FCHO1: variants seen among roughly 807,000 people sequenced by gnomAD.
The protein encoded by FCHO1 is FCH and mu domain containing endocytic adaptor 1, also known as F-BAR domain only protein 1.
A neutral mutation model predicts 114.4 loss-of-function variants in FCHO1; 45 were observed. The observed-to-expected ratio is 0.39, with a 90% CI of 0.31 to 0.50. The LOEUF is 0.50. Ranked by LOEUF, FCHO1 falls within the 20% of genes least tolerant of loss-of-function variation. The probability of loss-of-function intolerance (pLI) is 0.77; values close to 1 mark genes in which losing one functional copy is unlikely to be tolerated. For missense variants in FCHO1, 1,042 were observed against 1,209.6 expected (o/e 0.86, Z 2.06); for synonymous variants, 480 against 488.9 (o/e 0.98, Z 0.24).
chr19:17,781,632 G>C, intron 22 of FCHO1, 80 bp from the exon 23 acceptor site: 12 of 1,549,204 alleles, frequency 7.7e-6, no homozygotes, highest in Non-Finnish European at 1.1e-5. Context: ...AGGTGTGGTT[G>C]GGCGGAGGGA....
Position 17,788,460 on chromosome 19 carries a change from A to C in FCHO1, c.*154A>C, listed in dbSNP as rs1017750278. The C allele has an allele frequency of 1.7e-6, 1 of 604,500 alleles. No homozygotes were observed. 37.4% of individuals were successfully genotyped at this position (604,500 alleles called of 1,614,324 possible). ...CCCATGCCCAGCCTGGCTGAGCCCG[A>C]GATTCGCTCCTCCCCCTCATGCCAA... is the stretch of plus-strand genomic sequence containing the variant. On this transcript the variant is annotated 3_prime_UTR_variant, in exon 29 of 29. Transcript: ENST00000596536.
Position 17,778,839 on chromosome 19 carries a change from G to A in FCHO1, c.1582G>A (p.Ala528Thr). ...TCTGCCAGACTCGCCGCAGCCCCTCGCCTCGTCTCCAGGCCCCTGGGGGCT... is the reference window on the plus strand; with the variant it reads ...TCTGCCAGACTCGCCGCAGCCCCTCACCTCGTCTCCAGGCCCCTGGGGGCT... ...PPLPDSPQPL[A>T]SSPGPWGLEA... The change falls in exon 20 of 29, where the codon GCC becomes ACC. Residue 528 changes from alanine to threonine, a missense_variant. Ala to Thr is a moderately conservative substitution (Grantham distance 58). This residue lies in a region of FCHO1 where 455 missense variants were observed against 455.4 expected (regional missense o/e 1.00). Coordinates refer to ENST00000596536, the MANE Select transcript of FCHO1 (RefSeq NM_015122.3). 1.3e-6 allele frequency: 2 copies of A among 1,561,262 alleles called. No homozygotes were observed. Among genetic ancestry groups the A allele is most frequent in the Non-Finnish European group, 1.7e-6 (2 of 1,161,122 alleles).
At chr19:17,781,365 G>A (rs2093392964) in intron 21 of FCHO1, 22 bp downstream of exon 21, 1 of 1,610,414 alleles carries the variant, frequency 6.2e-7, no homozygotes, top group African/African-American at 1.3e-5. Context: ...GGCGTGGCAG[G>A]AGCTGGACTG....
In FCHO1 at chr19:17,778,657, C is replaced by G. The variant is rs867211795; in HGVS notation, c.1400C>G (p.Ser467Trp). Residue 467 changes from serine (S) to tryptophan (W), a missense_variant, in exon 20 of 29, where the codon TCG becomes TGG. Physicochemically the swap from Ser to Trp is radical, Grantham distance 177 (BLOSUM62 -3). Coordinates refer to ENST00000596536, the MANE Select transcript of FCHO1 (RefSeq NM_015122.3). ...TCCAGCCCCTCCCCTTTCTCCTCCT[C>G]GTCGCCCGAAAACGTGGAGGATTCC... ...FTSSPSPFSS[S>W]SPENVEDSGL... is the part of the protein sequence containing the mutation. 2.5e-6 allele frequency: 4 copies of G among 1,575,662 alleles called. No homozygotes were observed.
In FCHO1 at chr19:17,778,651, C is replaced by T. The variant is rs1351845529; in HGVS notation, c.1394C>T (p.Ser465Phe). The T allele has an allele frequency of 6.3e-7, 1 of 1,577,202 alleles. No homozygotes were observed. The highest frequency in any genetic ancestry group is 1.2e-5 in the South Asian group (1 of 86,406). Residue 465 changes from serine to phenylalanine, a missense_variant, in exon 20 of 29, where the codon TCC becomes TTC. By Grantham distance (155) the Ser-to-Phe change is radical (BLOSUM62 -2). Around this residue, in one of 3 missense-constraint regions of FCHO1, gnomAD observed 455 missense variants for 455.4 expected, o/e 1.00. Coordinates refer to ENST00000596536, the MANE Select transcript of FCHO1 (RefSeq NM_015122.3). Reference protein sequence around the residue: ...LGFTSSPSPFSSSSPENVEDS... With the variant: ...LGFTSSPSPFFSSSPENVEDS... ...TTCACCTCCAGCCCCTCCCCTTTCTCCTCCTCGTCGCCCGAAAACGTGGAG... is the reference window on the plus strand; with the variant it reads ...TTCACCTCCAGCCCCTCCCCTTTCTTCTCCTCGTCGCCCGAAAACGTGGAG...
Position 17,775,534 on chromosome 19 carries a change from G to C in FCHO1, c.1003+21G>C. 6.2e-7 allele frequency: 1 copy of C among 1,612,090 alleles called. No individual in the cohort carries two copies. The highest frequency in any genetic ancestry group is 1.1e-5 in the South Asian group (1 of 91,052). ...GAACAATATCCTTCTGGCACCCCCT[G>C]GGGGCAGTTGTTGGCACAGCAAGGA... On this transcript the variant is annotated intron_variant, in intron 15 of 28. Transcript: ENST00000596536. This position sits in a 1 kb window ranked among gnomAD's most constrained non-coding sequence, Gnocchi z 5.1.
In FCHO1 at chr19:17,784,691, G is replaced by A. The variant is rs372821699; in HGVS notation, c.2227-34G>A. ...GGTGTGGCAAGACAGGATGGCCCAA[G>A]CTGTGTCCTCTCTCTCATTCTCATT... On this transcript the variant is annotated intron_variant, in intron 25 of 28. Transcript: ENST00000596536. The surrounding 1 kb of genome is among the most constrained non-coding windows in gnomAD (Gnocchi z 5.3). 5.4e-5 allele frequency: 86 copies of A among 1,605,842 alleles called. No homozygotes were observed. The highest frequency in any genetic ancestry group is 7.0e-5 in the Non-Finnish European group (82 of 1,173,458).
At chr19:17,749,771 G>A (rs564292557), upstream of FCHO1, among the ~76,000 whole-genome samples, 3 of 152,284 alleles carry the variant, frequency 2.0e-5, no homozygotes, top group African/African-American at 2.4e-5. Flanking sequence ...CCCAGGTGGC[G>A]AGGCCAAGAG....
Position 17,774,952 on chromosome 19 carries a change from C to T in FCHO1, c.921-104C>T, listed in dbSNP as rs187477568. The T allele has an allele frequency of 8.9e-5, 116 of 1,309,184 alleles. No individual in the cohort carries two copies. In the East Asian group the frequency reaches 1.8e-3, roughly 20 times the overall value. The allele number at this position is 1,309,184 out of a possible 1,614,324, so 81.1% of individuals were successfully genotyped here. A position where few individuals can be genotyped will look rare whatever the true frequency, so the allele number is the denominator to read the frequency against. ...CTAGGGCTAGCTCAGGGCAGTATCACAGTCTGGGAGCTGCCCCAGCTTCCA... is the reference window on the plus strand; with the variant it reads ...CTAGGGCTAGCTCAGGGCAGTATCATAGTCTGGGAGCTGCCCCAGCTTCCA... On this transcript the variant is annotated intron_variant, in intron 13 of 28. Transcript: ENST00000596536.
chr19:17,762,293 C>CTT (rs10666882), intron 4 of FCHO1, among the ~76,000 whole-genome samples: 59,381 of 146,616 alleles, frequency 0.41, 13,471 homozygotes, highest in East Asian at 0.7. Flanking sequence ...GCTCAACACA[C>CTT]TTTTTTTTTT....
Position 17,776,901 on chromosome 19 carries a change from G to A in FCHO1, c.1259+215G>A, listed in dbSNP as rs921119915. On this transcript the variant is annotated intron_variant, in intron 18 of 28. Coordinates refer to ENST00000596536, the MANE Select transcript of FCHO1 (RefSeq NM_015122.3). This position sits in a 1 kb window ranked among gnomAD's most constrained non-coding sequence, Gnocchi z 4.4. Reference sequence around the variant, plus strand: ...CAACCTCCACCTCCTGAGTTCAAGCGATTTTCATGCCTCAGCCTCCTAAGT... The same window carrying A: ...CAACCTCCACCTCCTGAGTTCAAGCAATTTTCATGCCTCAGCCTCCTAAGT... Among the ~76,000 whole-genome samples the A allele has an allele frequency of 1.3e-5, 2 of 152,028 alleles. No individual in the cohort carries two copies. Among genetic ancestry groups the A allele is most frequent in the Non-Finnish European group, 2.9e-5 (2 of 68,006 alleles).
chr19:17,748,130 G>A (rs1454513583), upstream of FCHO1, among the ~76,000 whole-genome samples: 1 of 152,102 alleles, frequency 6.6e-6, no homozygotes, highest in Non-Finnish European at 1.5e-5. Context: ...CTGGGTTCTG[G>A]GGCTGCAAAG....
chr19:17,771,711 T>A (rs1034727845), intron 9 of FCHO1, among the ~76,000 whole-genome samples: 68 of 152,060 alleles, frequency 4.5e-4, no homozygotes, highest in Admixed American at 4.3e-3. Flanking sequence ...TTAAAAAAAC[T>A]GACAAGCTCA....
chr19:17,752,977 G>A (rs981859242), intron 1 of FCHO1, among the ~76,000 whole-genome samples: 5 of 152,158 alleles, frequency 3.3e-5, no homozygotes, highest in African/African-American at 1.2e-4. Flanking sequence ...AGCTACTCGG[G>A]AGGCTACTAT....
At chr19:17,753,101 G>C (rs1158739423) in intron 1 of FCHO1, among the ~76,000 whole-genome samples, 1 of 151,888 alleles carries the variant, frequency 6.6e-6, no homozygotes, top group Non-Finnish European at 1.5e-5. Flanking sequence ...AAAAAATTAA[G>C]TCACCACATG....
Position 17,788,324 on chromosome 19 carries a change from C to T in FCHO1, c.*18C>T, listed in dbSNP as rs372906543. On this transcript the variant is annotated 3_prime_UTR_variant, in exon 29 of 29. Transcript: ENST00000596536. ...GCTGCTGAACCCGCAAATGCTGCTG[C>T]CCCAGCTCTACACTGCGCCCTGGTG... 463 of 1,455,398 alleles carry T rather than the reference C, an allele frequency of 3.2e-4. No homozygotes were observed. In the African/African-American group the frequency reaches 5.9e-3, roughly 19 times the overall value. 90.2% of individuals were successfully genotyped at this position (1,455,398 alleles called of 1,614,324 possible).
Position 17,770,778 on chromosome 19 carries a change from C to A in FCHO1, c.490-14C>A, listed in dbSNP as rs1179456112. On this transcript the variant is annotated splice_polypyrimidine_tract_variant and intron_variant, in intron 8 of 28. Transcript: ENST00000596536. ...ATCGCCCTCCCATCCCCGTTTCCTC[C>A]CTGTGCTTTGTAGGCGGAGACTAAA... The A allele has an allele frequency of 2.5e-6, 4 of 1,613,684 alleles. No homozygotes were observed. Among genetic ancestry groups the A allele is most frequent in the Non-Finnish European group, 3.4e-6 (4 of 1,179,892 alleles).
chr19:17,770,574 C>T lies in FCHO1; in HGVS notation c.486C>T (p.Asp162=). Residue 162 remains aspartate (D), a synonymous_variant, in exon 8 of 29, where the codon GAC becomes GAT. Transcript: ENST00000596536. The stretch of plus-strand genomic sequence containing the variant: ...AGAGTACCAGCCAGAAGGAGATGGA[C>T]AAGGTGGGCTCACAGTGGGGGGGTT... ...RRESTSQKEM[D]KAETKTKKAA... The T allele has an allele frequency of 6.2e-7, 1 of 1,610,722 alleles. No homozygotes were observed. The highest frequency in any genetic ancestry group is 8.5e-7 in the Non-Finnish European group (1 of 1,177,854).
At chr19:17,770,764 A>G (rs761838524) in intron 8 of FCHO1, 28 bp from the exon 9 acceptor site, 22 of 1,612,376 alleles carry the variant, frequency 1.4e-5, no homozygotes, top group Non-Finnish European at 1.9e-5. Context: ...TCGCCCTCCC[A>G]TCCCCGTTTC....
Sources: allele counts gnomAD v4.1 joint callset (sites outside exome capture counted in the v4.1 genomes callset), GRCh38; gene constraint gnomAD v4.1.1; regional missense constraint gnomAD v4.1.1; non-coding constraint Gnocchi (gnomAD v3.1); transcripts MANE v1.5; gene names NCBI Gene and HGNC (gene_info 2026-07-23, HGNC 2026-07-21).